NRG1: variants seen among roughly 807,000 people sequenced by gnomAD.
NRG1 encodes pro-neuregulin-1, membrane-bound isoform.
NRG1 carries 18 observed loss-of-function variants against 63.8 expected under a neutral mutation model. That is an observed-to-expected ratio of 0.28 (90% CI 0.19 to 0.42). NRG1 has a LOEUF of 0.42. NRG1 is among the 10% of genes least tolerant of loss of function. The probability of loss-of-function intolerance (pLI) is 1.00; values close to 1 mark genes in which losing one functional copy is unlikely to be tolerated. For synonymous variants in NRG1, 302 were observed against 301.3 expected, an observed-to-expected ratio of 1.00 and a Z score of -0.02; for missense variants, 762 against 814.7, an observed-to-expected ratio of 0.94 and a Z score of 0.79.
Position 31,761,932 on chromosome 8 carries a change from C to G in NRG1, c.37+122501C>G, listed in dbSNP as rs548151343. Among the ~76,000 whole-genome samples the G allele has an allele frequency of 1.1e-4, 17 of 152,172 alleles. No individual in the cohort carries two copies. In the South Asian group the frequency reaches 1.5e-3, roughly 13 times the overall value. ...TTTCAAGTACAATAAAATGAGGTAG[C>G]TTCTATGTCCTTGTATGTTTCATGG... On this transcript the variant is annotated intron_variant, in intron 1 of 10. Coordinates refer to the NRG1 transcript ENST00000519301.
chr8:32,454,698 A>G (rs555182939), intron 1 of NRG1, among the ~76,000 whole-genome samples: 9 of 150,892 alleles, frequency 6.0e-5, no homozygotes, highest in African/African-American at 2.2e-4. Context: ...TGGCCAGCTA[A>G]GGTTAATTTA....
rs537989765 is a variant in NRG1, at chr8:32,316,111, A to G, written c.38-279717A>G. On this transcript the variant is annotated intron_variant, in intron 1 of 10. Coordinates refer to the NRG1 transcript ENST00000519301. ...ATGAAAAACTGTGTTTGTCTTGACT[A>G]TTCAGGATATGAAAGTGCCGCAACA... Among the ~76,000 whole-genome samples the G allele has an allele frequency of 6.8e-4, 104 of 152,336 alleles. No homozygotes were observed. In the Middle Eastern group the frequency reaches 0.01, roughly 15 times the overall value.
intron 11 of NRG1, among the ~76,000 whole-genome samples, chr8:32,762,737 C>G (rs1325529523): frequency 6.6e-6 from 1 of 152,128 alleles, no homozygotes; most frequent in Non-Finnish European, 1.5e-5. Flanking sequence ...TAGTGTTGTG[C>G]GTTGGTAACA....
chr8:32,335,633 C>T (rs942236798), intron 1 of NRG1, among the ~76,000 whole-genome samples: 1 of 152,174 alleles, frequency 6.6e-6, no homozygotes, highest in African/African-American at 2.4e-5. Flanking sequence ...AAAAAGACCT[C>T]AGGGCCTTGC....
At chr8:31,801,970 G>A (rs1008867058) in intron 1 of NRG1, among the ~76,000 whole-genome samples, 3 of 152,262 alleles carry the variant, frequency 2.0e-5, no homozygotes, top group South Asian at 4.1e-4. Flanking sequence ...TGCTGCCATA[G>A]TGGGCCTATC....
At chr8:31,832,055 T>C (rs553145521) in intron 1 of NRG1, among the ~76,000 whole-genome samples, 19 of 152,270 alleles carry the variant, frequency 1.2e-4, no homozygotes, top group Admixed American at 5.9e-4. Flanking sequence ...ACAGCCCTAA[T>C]TGAGGCATTC....
intron 1 of NRG1, among the ~76,000 whole-genome samples, chr8:32,310,888 T>C (rs1018935797): frequency 1.4e-4 from 21 of 152,226 alleles, no homozygotes; most frequent in Non-Finnish European, 4.4e-5. Flanking sequence ...TCATGTTTCA[T>C]GTTTTAGCTC....
At chr8:32,487,224 A>G (rs1226514659) in intron 1 of NRG1, among the ~76,000 whole-genome samples, 1 of 152,056 alleles carries the variant, frequency 6.6e-6, no homozygotes, top group Non-Finnish European at 1.5e-5. Flanking sequence ...ACAAAAAACA[A>G]AAAAAGCAGA....
chr8:32,382,082 T>C (rs1051886938), intron 1 of NRG1, among the ~76,000 whole-genome samples: 1 of 152,176 alleles, frequency 6.6e-6, no homozygotes, highest in Non-Finnish European at 1.5e-5. Context: ...ATTTAGAAGA[T>C]ACCATTCTAG....
At chr8:31,708,056 A>G (rs1026816593) in intron 1 of NRG1, among the ~76,000 whole-genome samples, 1 of 152,134 alleles carries the variant, frequency 6.6e-6, no homozygotes, top group African/African-American at 2.4e-5. Flanking sequence ...GCTGTATTTT[A>G]TTACGTTAAT....
At chr8:31,958,169 A>G (rs1224705166) in intron 1 of NRG1, among the ~76,000 whole-genome samples, 1 of 152,120 alleles carries the variant, frequency 6.6e-6, no homozygotes, top group African/African-American at 2.4e-5. Context: ...AAGAATTGGC[A>G]TACATCCCAG....
chr8:31,722,519 C>A (rs192676152), intron 1 of NRG1, among the ~76,000 whole-genome samples: 1 of 152,094 alleles, frequency 6.6e-6, no homozygotes, highest in Admixed American at 6.6e-5. Context: ...GTAAATGAAT[C>A]TAATAATTTT....
chr8:31,716,655 T>A (rs1284689514), intron 1 of NRG1, among the ~76,000 whole-genome samples: 1 of 152,248 alleles, frequency 6.6e-6, no homozygotes, highest in Admixed American at 6.5e-5. Context: ...AATATGTCCC[T>A]CAGCTCTAGC....
chr8:32,555,576 A>G (rs1354583462), intron 1 of NRG1, among the ~76,000 whole-genome samples: 1 of 152,050 alleles, frequency 6.6e-6, no homozygotes, highest in Non-Finnish European at 1.5e-5. Context: ...GGTTCACGCC[A>G]TTCTCCTGCC....
rs79628482 is a variant in NRG1, at chr8:32,630,288, A to T, written c.502+13403A>T. On this transcript the variant is annotated intron_variant, in intron 5 of 11. Transcript: ENST00000356819. ...TTATGAACCCAGTTTCCTAAGCAAGATACAGAAATAGACACACCAATTTAG... is the reference window on the plus strand; with the variant it reads ...TTATGAACCCAGTTTCCTAAGCAAGTTACAGAAATAGACACACCAATTTAG... 6.0e-3 allele frequency among the ~76,000 whole-genome samples: 912 copies of T among 152,340 alleles called. 11 individuals carry two copies. The highest frequency in any genetic ancestry group is 0.02 in the African/African-American group (825 of 41,584).
chr8:32,425,270 G>A (rs1423232155), intron 1 of NRG1, among the ~76,000 whole-genome samples: 1 of 152,204 alleles, frequency 6.6e-6, no homozygotes, highest in Non-Finnish European at 1.5e-5. Context: ...GGCAGGAGAA[G>A]TTGGGATAAT....
At chr8:32,165,867 T>A (rs1442052489) in intron 1 of NRG1, among the ~76,000 whole-genome samples, 1 of 152,114 alleles carries the variant, frequency 6.6e-6, no homozygotes, top group East Asian at 1.9e-4. Flanking sequence ...AAATCAAGTA[T>A]CATTCATTGC....
intron 1 of NRG1, among the ~76,000 whole-genome samples, chr8:31,661,841 A>G (rs545490541): frequency 6.6e-6 from 1 of 152,318 alleles, no homozygotes; most frequent in South Asian, 2.1e-4. Context: ...TGCTTTGAGC[A>G]CTTATCATGA....
intron 5 of NRG1, among the ~76,000 whole-genome samples, chr8:32,724,343 T>G (rs1048941428): frequency 1.3e-5 from 2 of 152,198 alleles, no homozygotes; most frequent in Non-Finnish European, 2.9e-5. Flanking sequence ...TATCATCTTT[T>G]ATATATTGAA....
Sources: allele counts gnomAD v4.1 joint callset (sites outside exome capture counted in the v4.1 genomes callset), GRCh38; gene constraint gnomAD v4.1.1; transcripts MANE v1.5; gene names NCBI Gene and HGNC (gene_info 2026-07-23, HGNC 2026-07-21).